The following TMBIM1 variants were observed in gnomAD, a reference collection of about 807,000 sequenced individuals.
TMBIM1 encodes transmembrane BAX inhibitor motif containing 1.
TMBIM1 carries 34 observed loss-of-function variants against 45.1 expected under a neutral mutation model. The ratio of observed to expected loss-of-function variants is 0.75; its 90% CI spans 0.57 to 1.00. The LOEUF (loss-of-function observed/expected upper bound fraction) is 1.00. TMBIM1 is among the 50% of genes least tolerant of loss of function. The pLI is 0.00. For missense variants in TMBIM1, 374 were observed against 402.4 expected (o/e 0.93, Z 0.60); for synonymous variants, 157 against 153.5 (o/e 1.02, Z -0.17).
intron 1 of TMBIM1, 129 bp from the exon 2 acceptor site, chr2:218,282,310 G>A (rs1432511114): frequency 3.9e-5 from 22 of 558,860 alleles, no homozygotes; most frequent in Non-Finnish European, 6.6e-5. Context: ...TCCTTAGAGG[G>A]CAGCGTGTGA....
intron 1 of TMBIM1, among the ~76,000 whole-genome samples, chr2:218,283,586 A>G (rs1366430714): frequency 6.6e-6 from 1 of 152,220 alleles, no homozygotes; most frequent in Non-Finnish European, 1.5e-5. Flanking sequence ...ACACCCCCAG[A>G]TGCAGGTCAG....
In TMBIM1 at chr2:218,277,441, G is replaced by A; in HGVS notation, c.564C>T (p.Thr188=). 6.2e-7 allele frequency: 1 copy of A among 1,614,134 alleles called. No individual in the cohort carries two copies. The highest frequency in any genetic ancestry group is 1.7e-4 in the Middle Eastern group (1 of 6,060). Residue 188 remains threonine (T), a synonymous_variant, in exon 9 of 12, where the codon ACC becomes ACT. Transcript: ENST00000258412. ...TGATCATTGCAATGATGACGGCTTT[G>A]GTTTGGTACATACTGGGGAGAAGCA... The part of the protein sequence containing the change: ...MTGTISSMYQ[T]KAVIIAMIIT...
intron 1 of TMBIM1, among the ~76,000 whole-genome samples, chr2:218,285,075 G>C (rs2106224478): frequency 6.6e-6 from 1 of 152,340 alleles, no homozygotes; most frequent in Admixed American, 6.5e-5. Flanking sequence ...GGGTGACAGA[G>C]TGAGACTTTG....
intron 1 of TMBIM1, among the ~76,000 whole-genome samples, chr2:218,285,210 GTTA>G (rs933744704): frequency 1.3e-5 from 2 of 152,194 alleles, no homozygotes; most frequent in African/African-American, 4.8e-5. Context: ...AGTTAATACT[GTTA>G]TTATTATTCC....
At chr2:218,278,967 A>G in intron 5 of TMBIM1, 71 bp downstream of exon 5, 1 of 1,582,426 alleles carries the variant, frequency 6.3e-7, no homozygotes, top group Non-Finnish European at 8.7e-7. Context: ...GCCCTGAGCA[A>G]AGCTGGTCAC....
chr2:218,281,885 C>T (rs916667267), intron 2 of TMBIM1, 55 bp downstream of exon 2: 3 of 1,450,800 alleles, frequency 2.1e-6, no homozygotes, highest in Non-Finnish European at 2.8e-6. Context: ...GTGGCCTCAT[C>T]TGCTCCAAGT....
intron 2 of TMBIM1, 61 bp from the exon 3 acceptor site, chr2:218,280,187 G>T: frequency 1.6e-6 from 2 of 1,224,646 alleles, no homozygotes; most frequent in Non-Finnish European, 2.4e-6. Context: ...CAATCCCAAA[G>T]CCTCCCTGAC....
chr2:218,275,730 C>A (rs1382708408), intron 11 of TMBIM1, 109 bp from the exon 12 acceptor site: 2 of 1,339,660 alleles, frequency 1.5e-6, no homozygotes, highest in Non-Finnish European at 2.0e-6. Flanking sequence ...GTGCTTAGGG[C>A]CACATTAACG....
At chr2:218,277,281 T>C in intron 9 of TMBIM1, 85 bp downstream of exon 9, 1 of 1,328,780 alleles carries the variant, frequency 7.5e-7, no homozygotes, top group East Asian at 2.3e-5. Context: ...ATCAGGTCTC[T>C]AGGGAACATC....
chr2:218,276,095 A>G lies in TMBIM1; in HGVS notation c.736-16T>C. ...GCCAGTAAACCTGGAGAAGAAGGGG[A>G]CAGAGAATGGCATTAGAAACCTCAG... On this transcript the variant is annotated splice_polypyrimidine_tract_variant and intron_variant, in intron 10 of 11. Coordinates refer to ENST00000258412, the MANE Select transcript of TMBIM1 (RefSeq NM_022152.6). 1 of 1,611,904 alleles carries G rather than the reference A, an allele frequency of 6.2e-7. No homozygotes were observed. Among genetic ancestry groups the G allele is most frequent in the Non-Finnish European group, 8.5e-7 (1 of 1,179,138 alleles).
chr2:218,281,164 T>C (rs1691942609), intron 2 of TMBIM1, among the ~76,000 whole-genome samples: 1 of 143,980 alleles, frequency 6.9e-6, no homozygotes, highest in African/African-American at 2.5e-5. Flanking sequence ...GACAGAGTCT[T>C]GCTCTGTTGC....
intron 1 of TMBIM1, among the ~76,000 whole-genome samples, chr2:218,288,240 AAC>A (rs1692675769): frequency 1.3e-5 from 2 of 152,330 alleles, no homozygotes; most frequent in Admixed American, 6.5e-5. Flanking sequence ...CATCCTGGCT[AAC>A]ATGGTGAAAC....
intron 1 of TMBIM1, among the ~76,000 whole-genome samples, chr2:218,288,993 GC>G (rs1230025761): frequency 6.6e-6 from 1 of 152,180 alleles, no homozygotes; most frequent in Non-Finnish European, 1.5e-5. Context: ...CCCACAGCAG[GC>G]AAACAGCAGA....
At chr2:218,282,537 C>T (rs1168105322) in intron 1 of TMBIM1, among the ~76,000 whole-genome samples, 1 of 152,202 alleles carries the variant, frequency 6.6e-6, no homozygotes, top group South Asian at 2.1e-4. Context: ...GCAGAACCAG[C>T]GAAGAAGCCA....
rs71856767 is a variant in TMBIM1 at position 218,281,141 on chromosome 2, G to GT, written c.202+798dup. On this transcript the variant is annotated intron_variant, in intron 2 of 11. Coordinates refer to ENST00000258412, the MANE Select transcript of TMBIM1 (RefSeq NM_022152.6). The stretch of plus-strand genomic sequence containing the variant: ...TGTTTTGTTTTTTGTTTTTTTTTTG[G>GT]TTTTTTTTTTGAGACAGAGTCTTGC... 1.6e-3 allele frequency: 155 copies of GT among 95,652 alleles called. 1 individual carries two copies. The highest frequency in any genetic ancestry group is 6.2e-3 in the African/African-American group (67 of 10,742). 5.9% of individuals were successfully genotyped at this position (95,652 alleles called of 1,614,324 possible). A position where few individuals can be genotyped will look rare whatever the true frequency, so the allele number is the denominator to read the frequency against.
chr2:218,277,707 AAAGG>A (rs1217581465), intron 7 of TMBIM1, 37 bp from the exon 8 acceptor site: 2 of 1,613,406 alleles, frequency 1.2e-6, no homozygotes, highest in African/African-American at 1.3e-5. Context: ...AAACACTTAA[AAAGG>A]AAGGAAGGCA....
chr2:218,288,983 C>T lies in TMBIM1; in HGVS notation c.-41+3483G>A, dbSNP rs1280769351. Among the ~76,000 whole-genome samples the T allele has an allele frequency of 6.6e-5, 10 of 152,294 alleles. No homozygotes were observed. The Middle Eastern group carries it at 0.01, about 155-fold the overall frequency. Reference sequence around the variant, plus strand: ...ATTCAGAAAAAAAGAGATCTAGGGTCCCACAGCAGGCAAACAGCAGAGATG... The same window carrying T: ...ATTCAGAAAAAAAGAGATCTAGGGTTCCACAGCAGGCAAACAGCAGAGATG... On this transcript the variant is annotated intron_variant, in intron 1 of 11. Coordinates refer to ENST00000258412, the MANE Select transcript of TMBIM1 (RefSeq NM_022152.6).
At chr2:218,278,157 GAGAC>G (rs1471123553) in intron 6 of TMBIM1, 183 bp from the exon 7 acceptor site, 1 of 651,426 alleles carries the variant, frequency 1.5e-6, no homozygotes, top group African/African-American at 1.8e-5. Context: ...ATGGGCCAAT[GAGAC>G]AGACCTGTGT....
chr2:218,278,688 G>T, intron 5 of TMBIM1, 123 bp from the exon 6 acceptor site: 1 of 1,073,482 alleles, frequency 9.3e-7, no homozygotes, highest in Non-Finnish European at 1.4e-6. Context: ...CAACTCAACA[G>T]GAAGCAAGAA....
Sources: allele counts gnomAD v4.1 joint callset (sites outside exome capture counted in the v4.1 genomes callset), GRCh38; gene constraint gnomAD v4.1.1; transcripts MANE v1.5; gene names NCBI Gene and HGNC (gene_info 2026-07-23, HGNC 2026-07-21).